Variants in MICAL2 observed in about 807,000 individuals in gnomAD.
MICAL2 encodes microtubule associated monooxygenase, calponin and LIM domain containing 2, also known as [F-actin]-monooxygenase MICAL2.
In MICAL2, 77 loss-of-function variants were observed where a neutral mutation model predicts 127.3. The ratio of observed to expected loss-of-function variants is 0.60; its 90% CI spans 0.50 to 0.73. MICAL2 has a LOEUF of 0.73. MICAL2 is among the 30% of genes least tolerant of loss of function. The probability of loss-of-function intolerance (pLI) is 0.00; values close to 1 mark genes in which losing one functional copy is unlikely to be tolerated. For synonymous variants in MICAL2, 570 were observed against 551.1 expected (o/e 1.03, Z -0.48); for missense variants, 1,351 against 1,434.4 (o/e 0.94, Z 0.94).
intron 21 of MICAL2, among the ~76,000 whole-genome samples, chr11:12,245,158 A>G (rs1011286102): frequency 6.6e-6 from 1 of 152,192 alleles, no homozygotes; most frequent in Non-Finnish European, 1.5e-5. Flanking sequence ...GAATGAATCT[A>G]GAAATGGGCG....
intron 2 of MICAL2, among the ~76,000 whole-genome samples, chr11:12,152,296 T>C (rs1189658590): frequency 2.2e-4 from 2 of 9,072 alleles, no homozygotes; most frequent in African/African-American, 4.5e-4. Flanking sequence ...AGACTCTGTC[T>C]CAAAAAAAAA....
chr11:12,256,681 A>G, intron 23 of MICAL2, 104 bp from the exon 24 acceptor site: 3 of 1,127,180 alleles, frequency 2.7e-6, no homozygotes, highest in Non-Finnish European at 3.7e-6. Context: ...GCAGAAGCCC[A>G]CGAGGTCCCC....
intron 29 of MICAL2, among the ~76,000 whole-genome samples, chr11:12,303,154 C>G (rs1450572795): frequency 2.0e-5 from 3 of 152,180 alleles, no homozygotes; most frequent in African/African-American, 7.2e-5. Context: ...AGGTCCCACC[C>G]TTGATACATG....
chr11:12,131,320 A>AC (rs1851398360), intron 1 of MICAL2, among the ~76,000 whole-genome samples: 1 of 150,994 alleles, frequency 6.6e-6, no homozygotes, highest in Non-Finnish European at 1.5e-5. Flanking sequence ...AAAAAAAAAA[A>AC]AAAAGATCCC....
intron 3 of MICAL2, among the ~76,000 whole-genome samples, chr11:12,168,376 ATAC>A (rs1242414397): frequency 2.0e-5 from 3 of 151,520 alleles, no homozygotes; most frequent in Non-Finnish European, 2.9e-5. Context: ...ATACACACAC[ATAC>A]TACACACACC....
At chr11:12,275,914 T>G (rs181505998), upstream of MICAL2, 2 of 398,722 alleles carry the variant, frequency 5.0e-6, no homozygotes, top group African/African-American at 2.1e-5. Context: ...AGAGGGGCCC[T>G]GAGCCCCTGG....
At chr11:12,284,532 A>G (rs1863804870) in intron 2 of MICAL2, among the ~76,000 whole-genome samples, 1 of 152,130 alleles carries the variant, frequency 6.6e-6, no homozygotes, top group African/African-American at 2.4e-5. Context: ...GTGATGGAAA[A>G]TCTCTCTTGA....
chr11:12,124,905 GT>G (rs1850790756), intron 1 of MICAL2, among the ~76,000 whole-genome samples: 1 of 152,196 alleles, frequency 6.6e-6, no homozygotes, highest in African/African-American at 2.4e-5. Context: ...GGAAATGATT[GT>G]TTTTCCTCCA....
chr11:12,242,451 G>T lies in MICAL2; in HGVS notation c.2556+19G>T. The T allele has an allele frequency of 3.2e-6, 5 of 1,586,000 alleles. No homozygotes were observed. Among genetic ancestry groups the T allele is most frequent in the Non-Finnish European group, 4.3e-6 (5 of 1,164,188 alleles). On this transcript the variant is annotated intron_variant, in intron 19 of 27. Coordinates refer to ENST00000683283, the MANE Select transcript of MICAL2 (RefSeq NM_001282663.2). ...TCTCCAGGTGAGAGACTCACTTTTT[G>T]CCCGTCTCTGTCCGTGTCTGGGTGA...
chr11:12,339,703 G>A (rs1236820790), intron 32 of MICAL2, among the ~76,000 whole-genome samples: 1 of 152,188 alleles, frequency 6.6e-6, no homozygotes, highest in Non-Finnish European at 1.5e-5. Flanking sequence ...GGAGTTTGCT[G>A]GAGATCCACT....
At chr11:12,272,475 C>G (rs1455917061), upstream of MICAL2, among the ~76,000 whole-genome samples, 1 of 152,188 alleles carries the variant, frequency 6.6e-6, no homozygotes, top group Non-Finnish European at 1.5e-5. Flanking sequence ...GGTTCATCCC[C>G]AAACCCCTAG....
chr11:12,251,772 A>G (rs1861594881), intron 22 of MICAL2, among the ~76,000 whole-genome samples: 2 of 152,042 alleles, frequency 1.3e-5, no homozygotes, highest in African/African-American at 2.4e-5. Flanking sequence ...GCAGCTGCTC[A>G]GTTTTGGCTG....
At chr11:12,267,812 C>A (rs1358177916), downstream of MICAL2, among the ~76,000 whole-genome samples, 1 of 152,064 alleles carries the variant, frequency 6.6e-6, no homozygotes, top group African/African-American at 2.4e-5. Flanking sequence ...AGGCTGTTTT[C>A]GAACTGCTGA....
intron 1 of MICAL2, among the ~76,000 whole-genome samples, chr11:12,113,345 A>T (rs1389295025): frequency 1.3e-5 from 2 of 152,184 alleles, no homozygotes; most frequent in East Asian, 3.8e-4. Flanking sequence ...CAGGAGTTCA[A>T]GGCCACCTTG....
At chr11:12,253,803 C>G (rs1387471638) in intron 22 of MICAL2, 1 of 152,244 alleles carries the variant, frequency 6.6e-6, no homozygotes, top group Non-Finnish European at 1.5e-5. Context: ...CCTTCAGGGG[C>G]CTCTGCATGG....
intron 21 of MICAL2, among the ~76,000 whole-genome samples, chr11:12,248,394 A>G (rs1192609487): frequency 1.3e-5 from 2 of 152,114 alleles, no homozygotes; most frequent in African/African-American, 2.4e-5. Context: ...TCAGCTCCCT[A>G]TCAGCCGTTA....
chr11:12,147,897 G>A (rs1438452828), intron 2 of MICAL2, among the ~76,000 whole-genome samples: 1 of 152,224 alleles, frequency 6.6e-6, no homozygotes, highest in Non-Finnish European at 1.5e-5. Context: ...ACAGGCCCAG[G>A]AAACTGAGTT....
intron 32 of MICAL2, among the ~76,000 whole-genome samples, chr11:12,336,349 T>G (rs1938756693): frequency 6.6e-6 from 1 of 152,216 alleles, no homozygotes; most frequent in South Asian, 2.1e-4. Flanking sequence ...TAAGGAGATT[T>G]TGGGCTGAGA....
chr11:12,111,790 T>C (rs1382813673), intron 1 of MICAL2, among the ~76,000 whole-genome samples: 1 of 152,196 alleles, frequency 6.6e-6, no homozygotes, highest in Non-Finnish European at 1.5e-5. Flanking sequence ...CAGAGGCGAA[T>C]TGGCCCTCCA....
Sources: gnomAD v4.1 joint callset for allele counts (sites outside exome capture counted in the v4.1 genomes callset) on GRCh38, gnomAD v4.1.1 for gene constraint, MANE v1.5 for transcripts, NCBI Gene and HGNC (gene_info 2026-07-23, HGNC 2026-07-21) for gene names.